NKTR: variants seen among roughly 807,000 people sequenced by gnomAD.
The protein encoded by NKTR is NK-tumor recognition protein.
Under a neutral mutation model 156.3 loss-of-function variants are expected in NKTR, and 67 were observed. That is an observed-to-expected ratio of 0.43 (90% CI 0.35 to 0.53). The LOEUF is 0.53. Among genes scored for constraint, NKTR ranks in the 20% least tolerant of loss-of-function variants. The probability of loss-of-function intolerance (pLI) is 0.01; values close to 1 mark genes in which losing one functional copy is unlikely to be tolerated. For missense variants in NKTR, 1,604 were observed against 1,730.9 expected, an observed-to-expected ratio of 0.93 and a Z score of 1.30; for synonymous variants, 640 against 596.6, an observed-to-expected ratio of 1.07 and a Z score of -1.06.
chr3:42,621,636 A>G (rs1707911650), intron 6 of NKTR, 120 bp downstream of exon 6: 3 of 1,000,090 alleles, frequency 3.0e-6, no homozygotes, highest in African/African-American at 3.4e-5. Context: ...TTTTATTATT[A>G]ATTTCTAATA....
intron 8 of NKTR, among the ~76,000 whole-genome samples, chr3:42,632,183 C>T (rs1708980468): frequency 6.6e-6 from 1 of 150,666 alleles, no homozygotes; most frequent in South Asian, 2.1e-4. Context: ...GATTCTCCTG[C>T]CTCAGCCTCT....
chr3:42,634,144 T>A (rs1248051722), intron 10 of NKTR, among the ~76,000 whole-genome samples: 1 of 152,224 alleles, frequency 6.6e-6, no homozygotes, highest in Non-Finnish European at 1.5e-5. Context: ...AGTGCATAAT[T>A]AATTGCATGA....
intron 11 of NKTR, 58 bp from the exon 12 acceptor site, chr3:42,635,163 C>T: frequency 7.1e-7 from 1 of 1,403,356 alleles, no homozygotes; most frequent in Non-Finnish European, 9.7e-7. Flanking sequence ...AACTCTGTCA[C>T]ATAGCAGACT....
chr3:42,610,170 A>T (rs538090690), intron 2 of NKTR, among the ~76,000 whole-genome samples: 1 of 151,838 alleles, frequency 6.6e-6, no homozygotes, highest in Non-Finnish European at 1.5e-5. Context: ...CACACCCGCT[A>T]ATTTTGTATT....
Position 42,633,571 on chromosome 3 carries a change from T to G in NKTR, c.774-9T>G. ...ATACATTTTAATCAGTGACTTGGTT[T>G]GTTCTAAGTCACTCTGAGAGGAGTG... On this transcript the variant is annotated splice_polypyrimidine_tract_variant and intron_variant, in intron 9 of 16. Coordinates refer to ENST00000232978, the MANE Select transcript of NKTR (RefSeq NM_005385.4). 1 of 1,606,400 alleles carries G rather than the reference T, an allele frequency of 6.2e-7. No homozygotes were observed. Among genetic ancestry groups the G allele is most frequent in the Non-Finnish European group, 8.5e-7 (1 of 1,177,026 alleles).
chr3:42,631,419 C>G (rs1197644461), intron 8 of NKTR, 103 bp downstream of exon 8: 7 of 1,287,680 alleles, frequency 5.4e-6, no homozygotes. Flanking sequence ...AGCAATAGCC[C>G]TTGGTGCCCC....
At chr3:42,607,281 T>C (rs1391364501) in intron 2 of NKTR, among the ~76,000 whole-genome samples, 2 of 152,112 alleles carry the variant, frequency 1.3e-5, no homozygotes, top group Non-Finnish European at 2.9e-5. Context: ...TACAGAAGAA[T>C]TGATGGAATC....
At chr3:42,601,118 G>A (rs1705382026) in intron 2 of NKTR, 54 bp downstream of exon 2, 11 of 1,459,540 alleles carry the variant, frequency 7.5e-6, no homozygotes, top group Non-Finnish European at 1.0e-5. Context: ...TTGGCGAAGG[G>A]GAGGGGTCTA....
intron 12 of NKTR, among the ~76,000 whole-genome samples, chr3:42,635,635 A>G (rs761458704): frequency 6.6e-6 from 1 of 152,208 alleles, no homozygotes; most frequent in Non-Finnish European, 1.5e-5. Flanking sequence ...ATTAGGACTT[A>G]GAGGCCGGGC....
In NKTR at chr3:42,638,927, G is replaced by C. The variant is rs1559589932; in HGVS notation, c.3223G>C (p.Val1075Leu). Residue 1075 changes from valine (V) to leucine (L), a missense_variant, in exon 13 of 17, where the codon GTT (valine) becomes CTT (leucine). Val to Leu is a conservative substitution (Grantham distance 32). This residue lies in a region of NKTR where 1,255 missense variants were observed against 1,243.7 expected (regional missense o/e 1.01). Transcript: ENST00000232978. ...TTCAGGTAAACATGATACAGTGACT[G>C]TTTCATCAGATCTTGATCAGTTTAC... ...DLSGKHDTVT[V>L]SSDLDQFTKD... 1 of 1,612,972 alleles carries C rather than the reference G, an allele frequency of 6.2e-7. No homozygotes were observed. Among genetic ancestry groups the C allele is most frequent in the Non-Finnish European group, 8.5e-7 (1 of 1,179,068 alleles).
At chr3:42,645,114 C>T (rs1039544432) in intron 16 of NKTR, among the ~76,000 whole-genome samples, 8 of 151,578 alleles carry the variant, frequency 5.3e-5, no homozygotes, top group African/African-American at 1.9e-4. Flanking sequence ...ATGCCCAGGG[C>T]CACCCCCACC....
chr3:42,607,508 CAA>C (rs1001449372), intron 2 of NKTR, among the ~76,000 whole-genome samples: 1 of 132,192 alleles, frequency 7.6e-6, no homozygotes. Flanking sequence ...TAATGGGGTG[CAA>C]AAAAAAAAAG....
At chr3:42,641,829 G>A (rs1709911798) in intron 13 of NKTR, among the ~76,000 whole-genome samples, 1 of 149,880 alleles carries the variant, frequency 6.7e-6, no homozygotes, top group African/African-American at 2.5e-5. Context: ...AGTGAGCCAA[G>A]ATCGCGCCAC....
intron 1 of NKTR, 87 bp from the exon 2 acceptor site, chr3:42,600,897 C>G (rs1229025345): frequency 6.3e-6 from 5 of 792,504 alleles, no homozygotes; most frequent in Non-Finnish European, 9.0e-6. Flanking sequence ...CACCGTGGCG[C>G]GGACTTCGTC....
chr3:42,631,602 A>G (rs1318006132), intron 8 of NKTR, among the ~76,000 whole-genome samples: 1 of 152,202 alleles, frequency 6.6e-6, no homozygotes, highest in Non-Finnish European at 1.5e-5. Flanking sequence ...CAGCAGCAAT[A>G]GCCTCCTAAC....
At chr3:42,620,757 T>C in intron 5 of NKTR, 2 of 984,700 alleles carry the variant, frequency 2.0e-6, no homozygotes, top group Non-Finnish European at 2.4e-6. Context: ...CTGGTTCTGT[T>C]ATGTAGCAAT....
In NKTR at chr3:42,646,047, CTGTTGTTCT is replaced by C; in HGVS notation, c.*73_*81del. 1 of 1,095,998 alleles carries C rather than the reference CTGTTGTTCT, an allele frequency of 9.1e-7. No homozygotes were observed. The allele number at this position is 1,095,998 out of a possible 1,614,324, so 67.9% of individuals were successfully genotyped here. A position where few individuals can be genotyped will look rare whatever the true frequency, so the allele number is the denominator to read the frequency against. ...TTAGCTTAAGAAATGTAATGACAGT[CTGTTGTTCT>C]ATTTCAATATCAGAGGTGAATTTCA... On this transcript the variant is annotated 3_prime_UTR_variant, in exon 17 of 17. Transcript: ENST00000232978.
Position 42,637,668 on chromosome 3 carries a change from T to G in NKTR, c.1964T>G (p.Ile655Ser). 6.2e-7 allele frequency: 1 copy of G among 1,613,460 alleles called. No individual in the cohort carries two copies. The highest frequency in any genetic ancestry group is 8.5e-7 in the Non-Finnish European group (1 of 1,179,870). The change falls in exon 13 of 17, where the codon ATT becomes AGT. Residue 655 changes from isoleucine to serine, a missense_variant. Coordinates refer to ENST00000232978, the MANE Select transcript of NKTR (RefSeq NM_005385.4). ...CAAAGCACTTACAGTTTAGCAAATATTAAAGAGACTGGTAGCTCATCATCC... is the reference window on the plus strand; with the variant it reads ...CAAAGCACTTACAGTTTAGCAAATAGTAAAGAGACTGGTAGCTCATCATCC... ...PIQSTYSLANIKETGSSSSYH... is the reference protein window; with the variant it reads ...PIQSTYSLANSKETGSSSSYH...
At chr3:42,636,411 C>A (rs1040257098) in intron 12 of NKTR, among the ~76,000 whole-genome samples, 2 of 152,108 alleles carry the variant, frequency 1.3e-5, no homozygotes, top group African/African-American at 4.8e-5. Context: ...GATTACCTGT[C>A]TGAGGTGGAG....
Sources: allele counts gnomAD v4.1 joint callset (sites outside exome capture counted in the v4.1 genomes callset), GRCh38; gene constraint gnomAD v4.1.1; regional missense constraint gnomAD v4.1.1; transcripts MANE v1.5; gene names NCBI Gene and HGNC (gene_info 2026-07-23, HGNC 2026-07-21).